LGSN: variants seen among roughly 807,000 people sequenced by gnomAD.
LGSN encodes lengsin.
In LGSN, 21 loss-of-function variants were observed where a neutral mutation model predicts 19.5. The observed-to-expected ratio is 1.07, with a 90% CI of 0.76 to 1.55. The LOEUF (loss-of-function observed/expected upper bound fraction) is 1.55, where lower values mean the gene tolerates loss of function less well. Among genes scored for constraint, LGSN ranks in the 40% most tolerant of loss-of-function variants. The pLI is 0.00. For synonymous variants in LGSN, 257 were observed against 215.6 expected (o/e 1.19, Z -1.68); for missense variants, 673 against 608.5 (o/e 1.11, Z -1.12).
chr6:63,402,515 G>A, the LGSN span, among the ~76,000 whole-genome samples: 13,112 of 152,082 alleles, frequency 0.086, 1,051 homozygotes, highest in African/African-American at 0.22. Context: ...AAACACATAA[G>A]CTGAAATAAT....
the LGSN span, among the ~76,000 whole-genome samples, chr6:63,410,199 G>T: frequency 6.6e-6 from 1 of 152,034 alleles, no homozygotes; most frequent in East Asian, 1.9e-4. Flanking sequence ...CACAAAAACG[G>T]GTACAGGTTT....
the LGSN span, among the ~76,000 whole-genome samples, chr6:63,497,754 A>T: frequency 6.6e-6 from 1 of 151,592 alleles, no homozygotes. Flanking sequence ...ACAACAAATC[A>T]TTTTATAGCC....
chr6:63,568,875 T>C, the LGSN span, among the ~76,000 whole-genome samples: 1 of 152,202 alleles, frequency 6.6e-6, no homozygotes, highest in Admixed American at 6.5e-5. Flanking sequence ...ACTTACCCTC[T>C]GCACTAGTAT....
At chr6:63,556,160 T>A in the LGSN span, among the ~76,000 whole-genome samples, 1 of 152,194 alleles carries the variant, frequency 6.6e-6, no homozygotes, top group Non-Finnish European at 1.5e-5. Context: ...TTCTTAATTT[T>A]AAAAAATTTT....
the LGSN span, among the ~76,000 whole-genome samples, chr6:63,454,729 C>T: frequency 1.1e-3 from 172 of 151,108 alleles, no homozygotes; most frequent in African/African-American, 3.9e-3. Context: ...CTCAGCCTCC[C>T]GAAGTGCTGG....
At chr6:63,341,687 C>T in the LGSN span, among the ~76,000 whole-genome samples, 1 of 152,070 alleles carries the variant, frequency 6.6e-6, no homozygotes, top group East Asian at 1.9e-4. Context: ...ACATTGCAAA[C>T]CCTAAATTGA....
chr6:63,438,923 T>C, the LGSN span, among the ~76,000 whole-genome samples: 3 of 152,214 alleles, frequency 2.0e-5, no homozygotes, highest in South Asian at 4.1e-4. Flanking sequence ...ATTGTGGCAT[T>C]ATTCACAATA....
At chr6:63,488,554 G>A in the LGSN span, among the ~76,000 whole-genome samples, 2 of 152,050 alleles carry the variant, frequency 1.3e-5, no homozygotes, top group Non-Finnish European at 2.9e-5. Flanking sequence ...GCCCCCTACA[G>A]CTTTCTTTTC....
At chr6:63,529,193 A>ATATATATATGTATATATATGTGTG in the LGSN span, among the ~76,000 whole-genome samples, 10 of 140,960 alleles carry the variant, frequency 7.1e-5, no homozygotes, top group African/African-American at 1.1e-4. Context: ...ATATGTGTGT[A>ATATATATATGTATATATATGTGTG]TATATATATA....
At chr6:63,469,217 G>A in the LGSN span, among the ~76,000 whole-genome samples, 1 of 152,156 alleles carries the variant, frequency 6.6e-6, no homozygotes, top group African/African-American at 2.4e-5. Context: ...CCTGAGCTGA[G>A]CCCAGGAGCC....
chr6:63,524,232 G>A, the LGSN span, among the ~76,000 whole-genome samples: 1 of 152,126 alleles, frequency 6.6e-6, no homozygotes, highest in African/African-American at 2.4e-5. Flanking sequence ...TAATCTGACT[G>A]CCTTGGCCTC....
At chr6:63,564,262 C>A in the LGSN span, among the ~76,000 whole-genome samples, 2 of 144,792 alleles carry the variant, frequency 1.4e-5, no homozygotes, top group African/African-American at 5.2e-5. Flanking sequence ...GGTGACAGAG[C>A]GAGACTCTGT....
At chr6:63,422,835 A>C in the LGSN span, among the ~76,000 whole-genome samples, 1 of 152,168 alleles carries the variant, frequency 6.6e-6, no homozygotes, top group Non-Finnish European at 1.5e-5. Flanking sequence ...GAAAATCAAA[A>C]AACAAAATGG....
the LGSN span, among the ~76,000 whole-genome samples, chr6:63,462,613 A>G: frequency 6.6e-6 from 1 of 152,150 alleles, no homozygotes; most frequent in Non-Finnish European, 1.5e-5. Flanking sequence ...AAACAAATAT[A>G]TTCCTAGATT....
chr6:63,393,819 A>G, the LGSN span, among the ~76,000 whole-genome samples: 2 of 152,192 alleles, frequency 1.3e-5, no homozygotes, highest in Admixed American at 6.5e-5. Flanking sequence ...TCCTGGCGCC[A>G]GACAACAAAT....
the LGSN span, among the ~76,000 whole-genome samples, chr6:63,357,442 C>A: frequency 2.0e-5 from 3 of 147,564 alleles, no homozygotes; most frequent in Non-Finnish European, 4.4e-5. Flanking sequence ...AGTTTACAGT[C>A]CCACCAACAG....
At chr6:63,361,426 A>C in the LGSN span, among the ~76,000 whole-genome samples, 4 of 152,182 alleles carry the variant, frequency 2.6e-5, no homozygotes, top group African/African-American at 9.7e-5. Flanking sequence ...GTGATGAGCA[A>C]GGCTCCGTGG....
At chr6:63,532,091 G>A in the LGSN span, among the ~76,000 whole-genome samples, 5 of 152,188 alleles carry the variant, frequency 3.3e-5, no homozygotes, top group South Asian at 4.1e-4. Context: ...GAGCCACCAC[G>A]CCCGGTCAAC....
At chr6:63,401,470 A>G in the LGSN span, among the ~76,000 whole-genome samples, 1 of 152,146 alleles carries the variant, frequency 6.6e-6, no homozygotes, top group African/African-American at 2.4e-5. Flanking sequence ...TAAATACAAA[A>G]ATAACAAGGT....
Sources: gnomAD v4.1 joint callset for allele counts (sites outside exome capture counted in the v4.1 genomes callset) on GRCh38, gnomAD v4.1.1 for gene constraint, MANE v1.5 for transcripts, NCBI Gene and HGNC (gene_info 2026-07-23, HGNC 2026-07-21) for gene names.